Variants in PCCA observed in about 807,000 individuals in gnomAD.
The protein encoded by PCCA is propionyl-CoA carboxylase subunit alpha, also known as propionyl-CoA carboxylase alpha chain, mitochondrial.
Under a neutral mutation model 101.3 loss-of-function variants are expected in PCCA, and 74 were observed. The ratio of observed to expected loss-of-function variants is 0.73; its 90% confidence interval spans 0.61 to 0.89. PCCA has a LOEUF of 0.89. PCCA is among the 40% of genes least tolerant of loss of function. PCCA has a pLI of 0.00. For missense variants in PCCA, 891 were observed against 907.0 expected (o/e 0.98, Z 0.23); for synonymous variants, 294 against 313.6 (o/e 0.94, Z 0.66).
intron 19 of PCCA, among the ~76,000 whole-genome samples, chr13:100,390,893 G>A (rs1274996402): frequency 6.6e-6 from 1 of 152,166 alleles, no homozygotes; most frequent in Non-Finnish European, 1.5e-5. Context: ...AGTGGGCCAT[G>A]GTGTTGAGGG....
chr13:100,428,299 C>T (rs1567120211), intron 20 of PCCA, among the ~76,000 whole-genome samples: 1 of 151,186 alleles, frequency 6.6e-6, no homozygotes, highest in Admixed American at 6.6e-5. Flanking sequence ...AACTCCTGGG[C>T]TCAAGCAACC....
At chr13:100,305,370 A>G (rs1048027497) in intron 14 of PCCA, among the ~76,000 whole-genome samples, 3 of 152,220 alleles carry the variant, frequency 2.0e-5, no homozygotes, top group Non-Finnish European at 4.4e-5. Flanking sequence ...AGTTTTAAGT[A>G]AGGAACTGTA....
chr13:100,462,729 G>T (rs1166239179), intron 21 of PCCA, among the ~76,000 whole-genome samples: 2 of 152,264 alleles, frequency 1.3e-5, no homozygotes, highest in Middle Eastern at 3.4e-3. Flanking sequence ...TTTAATGGTA[G>T]TCATGAGAGT....
chr13:100,316,228 T>C (rs528008819), intron 16 of PCCA, among the ~76,000 whole-genome samples: 1 of 152,348 alleles, frequency 6.6e-6, no homozygotes, highest in African/African-American at 2.4e-5. Flanking sequence ...CATAGTCATA[T>C]ATAATATTTT....
At chr13:100,451,745 C>CTT (rs2081265985) in intron 21 of PCCA, among the ~76,000 whole-genome samples, 1 of 104,190 alleles carries the variant, frequency 9.6e-6, no homozygotes, top group African/African-American at 4.1e-5. Context: ...TCTCTTCTCT[C>CTT]CTTCCTCTCC....
intron 10 of PCCA, among the ~76,000 whole-genome samples, chr13:100,265,930 G>A (rs1362761463): frequency 6.6e-6 from 1 of 152,190 alleles, no homozygotes; most frequent in African/African-American, 2.4e-5. Context: ...TGTGAGATGT[G>A]CTTGTTTTTG....
chr13:100,188,319 C>CAAAACAAAACAAAACAAAACA, intron 6 of PCCA, among the ~76,000 whole-genome samples: 1 of 146,528 alleles, frequency 6.8e-6, no homozygotes, highest in Non-Finnish European at 1.5e-5. Context: ...CAAAACAAAA[C>CAAAACAAAACAAAACAAAACA]AAAACAAAAA....
intron 22 of PCCA, among the ~76,000 whole-genome samples, chr13:100,520,847 C>G (rs1218847458): frequency 6.6e-6 from 1 of 152,072 alleles, no homozygotes; most frequent in Non-Finnish European, 1.5e-5. Context: ...CTTCTCCAAG[C>G]TTGGCGTTTG....
chr13:100,262,716 C>CT lies in PCCA; in HGVS notation c.717-6dup. 11 of 1,018,638 alleles carry CT rather than the reference C, an allele frequency of 1.1e-5. No individual in the cohort carries two copies. Among genetic ancestry groups the CT allele is most frequent in the Non-Finnish European group, 1.4e-5 (10 of 702,390 alleles). 63.1% of individuals were successfully genotyped at this position (1,018,638 alleles called of 1,614,324 possible). A position where few individuals can be genotyped will look rare whatever the true frequency, so the allele number is the denominator to read the frequency against. ...TCTCCCCCCCTCCTCCTTCTTCCTT[C>CT]TTTTTTTCACAGGGATGGTTTTAGA... is the stretch of plus-strand genomic sequence containing the variant. On this transcript the variant is annotated splice_polypyrimidine_tract_variant and intron_variant, in intron 9 of 23. Coordinates refer to ENST00000376285, the MANE Select transcript of PCCA (RefSeq NM_000282.4).
At chr13:100,348,779 TCTTTCTTTCTTCCTTC>T (rs1305193144) in intron 18 of PCCA, among the ~76,000 whole-genome samples, 1,410 of 75,854 alleles carry the variant, frequency 0.019, 17 homozygotes, top group Admixed American at 0.046. Context: ...TTTCTTTCTT[TCTTTCTTTCTTCCTTC>T]CTTCCTTCCT....
Position 100,368,643 on chromosome 13 carries a change from C to A in PCCA, c.1746+69C>A. ...TATGAATATTTAAAGCCATTTTTAACCTGTTCAGTGACTCTCGTCTTTTGA... is the reference window on the plus strand; with the variant it reads ...TATGAATATTTAAAGCCATTTTTAAACTGTTCAGTGACTCTCGTCTTTTGA... On this transcript the variant is annotated intron_variant, in intron 19 of 23. Coordinates refer to ENST00000376285, the MANE Select transcript of PCCA (RefSeq NM_000282.4). 4.2e-6 allele frequency: 4 copies of A among 946,576 alleles called. No individual in the cohort carries two copies. In the South Asian group the frequency reaches 5.2e-5, roughly 12 times the overall value. 58.6% of individuals were successfully genotyped at this position (946,576 alleles called of 1,614,324 possible). A position where few individuals can be genotyped will look rare whatever the true frequency, so the allele number is the denominator to read the frequency against.
rs1399976907 is a variant in PCCA at position 100,439,906 on chromosome 13, TTTTC to T, written c.1846-9340_1846-9337del. On this transcript the variant is annotated intron_variant, in intron 20 of 23. Transcript: ENST00000376285. ...ATTCATGCTGTACCTTTGAAGACTT[TTTTC>T]TTTCTATTTCTCATATTCTTGCTCA... 3.9e-5 allele frequency among the ~76,000 whole-genome samples: 6 copies of T among 152,178 alleles called. No homozygotes were observed. The South Asian group carries it at 6.2e-4, about 16-fold the overall frequency.
intron 6 of PCCA, among the ~76,000 whole-genome samples, chr13:100,182,929 A>G (rs2056932348): frequency 6.6e-6 from 1 of 152,086 alleles, no homozygotes; most frequent in Non-Finnish European, 1.5e-5. Context: ...TGAGTTTGGG[A>G]AAAGGGCAGT....
chr13:100,432,038 A>G (rs931867245), intron 20 of PCCA, among the ~76,000 whole-genome samples: 2 of 151,940 alleles, frequency 1.3e-5, no homozygotes, highest in African/African-American at 2.4e-5. Context: ...TCTTTACTGA[A>G]AATACAAAAT....
At chr13:100,491,262 A>C (rs2152980924) in intron 21 of PCCA, 1 of 170,282 alleles carries the variant, frequency 5.9e-6, no homozygotes, top group African/African-American at 2.4e-5. Context: ...CAGAACCATT[A>C]AATGCCATCT....
At chr13:100,102,229 C>T (rs553269251) in intron 1 of PCCA, among the ~76,000 whole-genome samples, 1 of 152,182 alleles carries the variant, frequency 6.6e-6, no homozygotes, top group East Asian at 1.9e-4. Flanking sequence ...CCACCTCAAA[C>T]TCTGGGGCTC....
At chr13:100,142,963 T>TC (rs1369483223) in intron 4 of PCCA, among the ~76,000 whole-genome samples, 1 of 152,158 alleles carries the variant, frequency 6.6e-6, no homozygotes, top group Non-Finnish European at 1.5e-5. Context: ...TGATTTGATC[T>TC]CCCCTGATAC....
At chr13:100,529,190 G>A (rs372995180) in intron 23 of PCCA, among the ~76,000 whole-genome samples, 4 of 152,092 alleles carry the variant, frequency 2.6e-5, no homozygotes, top group East Asian at 1.9e-4. Context: ...TCCTACCTGC[G>A]AGGCCACTTT....
intron 12 of PCCA, among the ~76,000 whole-genome samples, chr13:100,294,702 G>A (rs116405110): frequency 0.018 from 2,809 of 152,208 alleles, 97 homozygotes; most frequent in African/African-American, 0.064. Flanking sequence ...TTAGTTTTTA[G>A]TGCTGTTGGA....
Sources: gnomAD v4.1 joint callset for allele counts (sites outside exome capture counted in the v4.1 genomes callset) on GRCh38, gnomAD v4.1.1 for gene constraint, MANE v1.5 for transcripts, NCBI Gene and HGNC (gene_info 2026-07-23, HGNC 2026-07-21) for gene names.